SIPA1L2: variants seen among roughly 807,000 people sequenced by gnomAD.
The protein encoded by SIPA1L2 is signal-induced proliferation-associated 1-like protein 2.
A neutral mutation model predicts 163.9 loss-of-function variants in SIPA1L2; 56 were observed. That is an observed-to-expected ratio of 0.34 (90% CI 0.28 to 0.43). SIPA1L2 has a LOEUF of 0.43. SIPA1L2 is among the 20% of genes least tolerant of loss of function. The pLI is 1.00. For missense variants in SIPA1L2, 1,974 were observed against 2,193.5 expected (o/e 0.90, Z 2.00); for synonymous variants, 877 against 865.7 (o/e 1.01, Z -0.23).
chr1:232,474,685 C>A (rs1020425988), intron 7 of SIPA1L2, among the ~76,000 whole-genome samples: 1 of 151,974 alleles, frequency 6.6e-6, no homozygotes, highest in African/African-American at 2.4e-5. Context: ...GTGATCAATA[C>A]ACATTGTATG....
intron 1 of SIPA1L2, among the ~76,000 whole-genome samples, chr1:232,608,059 A>AAAAAAAAAAC (rs2102868908): frequency 6.6e-6 from 1 of 150,776 alleles, no homozygotes; most frequent in African/African-American, 2.4e-5. Flanking sequence ...AAAAAAAAAA[A>AAAAAAAAAAC]AAAAAAAAAA....
intron 10 of SIPA1L2, among the ~76,000 whole-genome samples, chr1:232,455,573 C>A (rs576021299): frequency 6.6e-6 from 1 of 151,742 alleles, no homozygotes; most frequent in Non-Finnish European, 1.5e-5. Flanking sequence ...CCCAGCTACT[C>A]GGAAGGCTGA....
chr1:232,563,955 T>TTTG (rs1558270699), intron 2 of SIPA1L2, among the ~76,000 whole-genome samples: 18 of 116,758 alleles, frequency 1.5e-4, no homozygotes, highest in African/African-American at 6.4e-4. Context: ...TTTTTTTTTT[T>TTTG]CGTGTGTGTG....
chr1:232,465,677 T>C lies in SIPA1L2; in HGVS notation c.2244-261A>G, dbSNP rs1011053260. Among the ~76,000 whole-genome samples, 36 of 151,990 alleles carry C rather than the reference T, an allele frequency of 2.4e-4. No individual in the cohort carries two copies. The highest frequency in any genetic ancestry group is 2.4e-3 in the Admixed American group (36 of 15,262). On this transcript the variant is annotated intron_variant, in intron 8 of 22. Coordinates refer to ENST00000674635, the MANE Select transcript of SIPA1L2 (RefSeq NM_020808.5). This position sits in a 1 kb window ranked among gnomAD's most constrained non-coding sequence, Gnocchi z 4.1. ...TAAACTTAGTAGACAGGAGGTGTAA[T>C]GGGCTGAATTATGTCCCTCTCAAAA...
intron 3 of SIPA1L2, among the ~76,000 whole-genome samples, chr1:232,496,499 A>T (rs1267539513): frequency 1.3e-5 from 2 of 151,860 alleles, no homozygotes; most frequent in Admixed American, 1.3e-4. Flanking sequence ...AAAAAGCTCC[A>T]GTGACATTAA....
At chr1:232,486,815 A>G (rs2102985629) in intron 5 of SIPA1L2, among the ~76,000 whole-genome samples, 1 of 152,348 alleles carries the variant, frequency 6.6e-6, no homozygotes, top group South Asian at 2.1e-4. Context: ...TGTGGTATCA[A>G]CTAAATACTC....
At chr1:232,443,300 C>T (rs897951287) in intron 12 of SIPA1L2, among the ~76,000 whole-genome samples, 8 of 152,300 alleles carry the variant, frequency 5.3e-5, no homozygotes, top group South Asian at 2.1e-4. Flanking sequence ...TTTTGAGCGG[C>T]GTTTCCTCAT....
rs371289592 is a variant in SIPA1L2, at chr1:232,617,781, T to C, written c.-319+12088A>G. ...TAGAAGTATGGGCCATATGGGTGTA[T>C]GCATTTATCAAAACTCCCAGAATGA... On this transcript the variant is annotated intron_variant, in intron 1 of 22. Transcript: ENST00000674635. Among the ~76,000 whole-genome samples, 38 of 152,350 alleles carry C rather than the reference T, an allele frequency of 2.5e-4. 1 individual carries two copies. The highest frequency in any genetic ancestry group is 8.4e-4 in the African/African-American group (35 of 41,580).
chr1:232,445,863 C>T lies in SIPA1L2; in HGVS notation c.3096-77G>A, dbSNP rs1040649333. The T allele has an allele frequency of 3.3e-6, 5 of 1,522,450 alleles. No individual in the cohort carries two copies. In the African/African-American group the frequency reaches 5.5e-5, roughly 17 times the overall value. 94.3% of individuals were successfully genotyped at this position (1,522,450 alleles called of 1,614,324 possible). ...AGCATGGCTTACTCACAGCTGGGCC[C>T]CTCAACACACATCACATGGTGTGTG... On this transcript the variant is annotated intron_variant, in intron 10 of 22. Coordinates refer to ENST00000674635, the MANE Select transcript of SIPA1L2 (RefSeq NM_020808.5).
At chr1:232,595,666 ACTGT>A (rs1661222454) in intron 1 of SIPA1L2, among the ~76,000 whole-genome samples, 1 of 152,166 alleles carries the variant, frequency 6.6e-6, no homozygotes. Flanking sequence ...TTTCATATGA[ACTGT>A]CTAACTTTCA....
chr1:232,473,128 G>A (rs1264775928), intron 7 of SIPA1L2, among the ~76,000 whole-genome samples: 1 of 152,158 alleles, frequency 6.6e-6, no homozygotes, highest in African/African-American at 2.4e-5. Context: ...CATTTCAAAT[G>A]CATGTAAATA....
chr1:232,590,690 C>T (rs1210275445), intron 1 of SIPA1L2, among the ~76,000 whole-genome samples: 1 of 151,884 alleles, frequency 6.6e-6, no homozygotes, highest in Non-Finnish European at 1.5e-5. Context: ...GCATTCCTCC[C>T]AATATCTCTA....
At chr1:232,457,564 T>C (rs988444172) in intron 10 of SIPA1L2, among the ~76,000 whole-genome samples, 5 of 152,108 alleles carry the variant, frequency 3.3e-5, no homozygotes, top group African/African-American at 4.8e-5. Flanking sequence ...TCTGAGAAAG[T>C]TGGAGGTCAT....
intron 4 of SIPA1L2, 129 bp from the exon 5 acceptor site, chr1:232,491,191 G>A (rs1372600353): frequency 6.7e-6 from 5 of 746,974 alleles, no homozygotes; most frequent in East Asian, 2.7e-5. Flanking sequence ...TGAAAGGGGC[G>A]ACAGTGTTCC....
chr1:232,557,851 G>T (rs1284627871), intron 2 of SIPA1L2, among the ~76,000 whole-genome samples: 2 of 152,212 alleles, frequency 1.3e-5, no homozygotes, highest in Non-Finnish European at 2.9e-5. Flanking sequence ...GGCATGTGCT[G>T]AGAAGTGTCA....
chr1:232,576,115 C>T (rs1029456393), intron 1 of SIPA1L2, among the ~76,000 whole-genome samples: 2 of 152,276 alleles, frequency 1.3e-5, no homozygotes, highest in East Asian at 1.9e-4. Flanking sequence ...TCTCAATCTA[C>T]GTAACATCAG....
chr1:232,406,936 T>C (rs1371271804), intron 19 of SIPA1L2, among the ~76,000 whole-genome samples: 1 of 152,192 alleles, frequency 6.6e-6, no homozygotes, highest in African/African-American at 2.4e-5. Context: ...TGTAGAAAAT[T>C]AAAAGTTTTG....
At chr1:232,629,064 C>G (rs931707187) in intron 1 of SIPA1L2, among the ~76,000 whole-genome samples, 1 of 152,154 alleles carries the variant, frequency 6.6e-6, no homozygotes, top group East Asian at 1.9e-4. Flanking sequence ...TTTTCCAATA[C>G]TCAGGCCAGA....
At chr1:232,481,736 T>C (rs1444463508) in intron 6 of SIPA1L2, among the ~76,000 whole-genome samples, 3 of 152,200 alleles carry the variant, frequency 2.0e-5, no homozygotes, top group Non-Finnish European at 2.9e-5. Flanking sequence ...TCTGCTCTAG[T>C]TAACAGAGCA....
Sources: gnomAD v4.1 joint callset for allele counts (sites outside exome capture counted in the v4.1 genomes callset) on GRCh38, gnomAD v4.1.1 for gene constraint, Gnocchi (gnomAD v3.1) non-coding constraint, MANE v1.5 for transcripts, NCBI Gene and HGNC (gene_info 2026-07-23, HGNC 2026-07-21) for gene names.